The following RAP1GAP2 variants were observed in gnomAD, a reference collection of about 807,000 sequenced individuals.
The protein encoded by RAP1GAP2 is RAP1 GTPase activating protein 2.
A neutral mutation model predicts 95.0 loss-of-function variants in RAP1GAP2; 27 were observed. That is an observed-to-expected ratio of 0.28 (90% CI 0.21 to 0.39). The LOEUF (loss-of-function observed/expected upper bound fraction) is 0.39, where lower values mean the gene tolerates loss of function less well. RAP1GAP2 is among the 10% of genes least tolerant of loss of function. The pLI, the probability that RAP1GAP2 is intolerant of heterozygous loss-of-function variation, is 1.00. For synonymous variants in RAP1GAP2, 373 were observed against 380.9 expected, an observed-to-expected ratio of 0.98 and a Z score of 0.24; for missense variants, 771 against 970.0, an observed-to-expected ratio of 0.79 and a Z score of 2.72.
At position 2,816,982 on chromosome 17, in the gene RAP1GAP2, CTTTTTTT is replaced by C. The variant is rs148255771; in HGVS notation, c.80+16449_80+16455del. ...ATGTTGTAGCGTGTGTCAGAATTTC[CTTTTTTT>C]TTTTTTTTTTTTTTTTGAGATGGGG... On this transcript the variant is annotated intron_variant, in intron 2 of 24. Transcript: ENST00000254695. Among the ~76,000 whole-genome samples the C allele has an allele frequency of 8.0e-3, 388 of 48,684 alleles. 42 individuals carry two copies. The highest frequency in any genetic ancestry group is 0.026 in the African/African-American group (355 of 13,522). The allele number at this position is 48,684 out of a possible 152,430, so 31.9% of individuals were successfully genotyped here. A position where few individuals can be genotyped will look rare whatever the true frequency, so the allele number is the denominator to read the frequency against.
intron 19 of RAP1GAP2, among the ~76,000 whole-genome samples, chr17:3,022,797 A>T (rs1003323934): frequency 6.6e-6 from 1 of 152,206 alleles, no homozygotes; most frequent in African/African-American, 2.4e-5. Context: ...TCATCTAAAA[A>T]GTTTTTGCCC....
At chr17:2,960,761 C>A (rs2044288235) in intron 4 of RAP1GAP2, among the ~76,000 whole-genome samples, 1 of 152,220 alleles carries the variant, frequency 6.6e-6, no homozygotes, top group Admixed American at 6.5e-5. Context: ...GTGTTGTGAC[C>A]AGGCAGACGC....
chr17:2,759,186 T>C (rs1406889972), intron 1 of RAP1GAP2, among the ~76,000 whole-genome samples: 1 of 152,126 alleles, frequency 6.6e-6, no homozygotes, highest in African/African-American at 2.4e-5. Flanking sequence ...ATCTTTCAAG[T>C]ATTTTGAACA....
At chr17:3,006,991 G>A (rs2046363565) in intron 16 of RAP1GAP2, among the ~76,000 whole-genome samples, 1 of 152,210 alleles carries the variant, frequency 6.6e-6, no homozygotes, top group African/African-American at 2.4e-5. Context: ...CCTGGAGGAG[G>A]TGGCTCATGC....
intron 3 of RAP1GAP2, among the ~76,000 whole-genome samples, chr17:2,913,966 G>T (rs2042480664): frequency 6.6e-6 from 1 of 151,918 alleles, no homozygotes; most frequent in Admixed American, 6.6e-5. Flanking sequence ...CGCCTCCCGG[G>T]TTCAAGGGAT....
At chr17:2,781,475 T>G (rs540809030) in intron 1 of RAP1GAP2, among the ~76,000 whole-genome samples, 9 of 152,296 alleles carry the variant, frequency 5.9e-5, no homozygotes, top group Admixed American at 5.9e-4. Flanking sequence ...CATCTCTGGG[T>G]GGTTATATGT....
chr17:2,826,779 G>A lies in RAP1GAP2; in HGVS notation c.80+26229G>A, dbSNP rs1308009104. 2.6e-5 allele frequency among the ~76,000 whole-genome samples: 4 copies of A among 152,082 alleles called. 1 individual carries two copies. The South Asian group carries it at 8.3e-4, about 32-fold the overall frequency. ...TCCCAACACTTTGGGAGGCTGAGGC[G>A]GGCGGATCACGAGGTCAAGAGATCG... On this transcript the variant is annotated intron_variant, in intron 2 of 24. Transcript: ENST00000254695.
intron 2 of RAP1GAP2, among the ~76,000 whole-genome samples, chr17:2,815,870 G>T (rs1443215936): frequency 1.3e-5 from 2 of 152,362 alleles, no homozygotes; most frequent in African/African-American, 2.4e-5. Context: ...GCGTACCTAC[G>T]CAGGCACACT....
At position 2,904,442 on chromosome 17, in the gene RAP1GAP2, G is replaced by A. The variant is rs767999385; in HGVS notation, c.81-842G>A. ...AACTCTGTTTAGCTGCCTCTCTACC[G>A]TCCTAGCCCACATGGACTAAGTTAA... On this transcript the variant is annotated intron_variant, in intron 2 of 24. Transcript: ENST00000254695. The surrounding 1 kb of genome is among the most constrained non-coding windows in gnomAD (Gnocchi z 4.7). Among the ~76,000 whole-genome samples the A allele has an allele frequency of 9.9e-5, 15 of 152,002 alleles. No homozygotes were observed. Among genetic ancestry groups the A allele is most frequent in the Middle Eastern group, 3.2e-3 (1 of 316 alleles).
intron 3 of RAP1GAP2, among the ~76,000 whole-genome samples, chr17:2,947,748 C>G (rs1233235235): frequency 1.3e-5 from 2 of 152,050 alleles, no homozygotes; most frequent in African/African-American, 4.8e-5. Flanking sequence ...GCTCGGTGGT[C>G]AGACGACATG....
At chr17:2,798,609 G>A (rs1205609025) in intron 1 of RAP1GAP2, among the ~76,000 whole-genome samples, 1 of 139,192 alleles carries the variant, frequency 7.2e-6, no homozygotes, top group Non-Finnish European at 1.6e-5. Flanking sequence ...GATGCAGGGT[G>A]GATAACCTCT....
chr17:2,803,950 C>T (rs1021086222), intron 2 of RAP1GAP2, among the ~76,000 whole-genome samples: 13 of 152,256 alleles, frequency 8.5e-5, no homozygotes, highest in South Asian at 4.1e-4. Context: ...CAGTGTGGTA[C>T]GGACATAAAG....
chr17:2,882,086 C>T (rs562191732), intron 2 of RAP1GAP2, among the ~76,000 whole-genome samples: 1 of 147,416 alleles, frequency 6.8e-6, no homozygotes, highest in Non-Finnish European at 1.5e-5. Flanking sequence ...TCTCAAAGTG[C>T]TGGGATTACA....
chr17:2,833,145 ATTT>A (rs201994901), intron 2 of RAP1GAP2, among the ~76,000 whole-genome samples: 4 of 140,168 alleles, frequency 2.9e-5, no homozygotes, highest in Non-Finnish European at 3.1e-5. Flanking sequence ...GTTCTTGATA[ATTT>A]TTTTTTTTTT....
chr17:2,838,016 C>CTTTT (rs71153304), intron 2 of RAP1GAP2, among the ~76,000 whole-genome samples: 2,501 of 94,384 alleles, frequency 0.026, 181 homozygotes, highest in Middle Eastern at 0.032. Flanking sequence ...TTCTTTTTTC[C>CTTTT]TTTTTTTTTT....
At chr17:2,829,198 A>T (rs186736252) in intron 2 of RAP1GAP2, among the ~76,000 whole-genome samples, 1 of 151,776 alleles carries the variant, frequency 6.6e-6, no homozygotes, top group Non-Finnish European at 1.5e-5. Context: ...TGGCCAGGCT[A>T]GTCTCAAACT....
chr17:2,983,476 A>T (rs76529650), intron 10 of RAP1GAP2, among the ~76,000 whole-genome samples: 6,438 of 152,280 alleles, frequency 0.042, 444 homozygotes, highest in African/African-American at 0.15. Context: ...ATATTGCGCC[A>T]TCTTTGTTTA....
chr17:3,010,161 G>A (rs747851678), intron 17 of RAP1GAP2, among the ~76,000 whole-genome samples: 4 of 152,006 alleles, frequency 2.6e-5, no homozygotes, highest in South Asian at 2.1e-4. Flanking sequence ...CCAACATGGT[G>A]AAACCTCGTC....
At chr17:2,944,161 CAAAAAA>C (rs36063732) in intron 3 of RAP1GAP2, among the ~76,000 whole-genome samples, 1 of 81,810 alleles carries the variant, frequency 1.2e-5, no homozygotes, top group African/African-American at 4.3e-5. Context: ...ACAGCAAAAC[CAAAAAA>C]AAAAAAAAAA....
Sources: allele counts gnomAD v4.1 joint callset (sites outside exome capture counted in the v4.1 genomes callset), GRCh38; gene constraint gnomAD v4.1.1; non-coding constraint Gnocchi (gnomAD v3.1); transcripts MANE v1.5; gene names NCBI Gene and HGNC (gene_info 2026-07-23, HGNC 2026-07-21).